PACSIN2: variants seen among roughly 807,000 people sequenced by gnomAD.
PACSIN2 encodes the protein protein kinase C and casein kinase substrate in neurons 2.
In PACSIN2, 25 loss-of-function variants were observed where a neutral mutation model predicts 63.8. That is an observed-to-expected ratio of 0.39 (90% CI 0.29 to 0.55). PACSIN2 has a LOEUF of 0.55. PACSIN2 is among the 20% of genes least tolerant of loss of function. PACSIN2 has a pLI of 0.62. For synonymous variants in PACSIN2, 255 were observed against 256.2 expected (o/e 1.00, Z 0.05); for missense variants, 518 against 646.9 (o/e 0.80, Z 2.16).
intron 1 of PACSIN2, among the ~76,000 whole-genome samples, chr22:42,996,435 G>A (rs1325228474): frequency 6.6e-6 from 1 of 151,828 alleles, no homozygotes; most frequent in African/African-American, 2.4e-5. Context: ...GGAAGGCTGA[G>A]GCAGGAGAAT....
intron 2 of PACSIN2, among the ~76,000 whole-genome samples, chr22:42,904,565 T>C (rs528970621): frequency 6.6e-6 from 1 of 152,156 alleles, no homozygotes; most frequent in African/African-American, 2.4e-5. Flanking sequence ...ACAGGGAGTG[T>C]GAGAGACATC....
At chr22:43,010,926 T>TTGG (rs1442339358) in intron 1 of PACSIN2, among the ~76,000 whole-genome samples, 4 of 152,210 alleles carry the variant, frequency 2.6e-5, no homozygotes, top group African/African-American at 9.6e-5. Flanking sequence ...CTTGTGCTCT[T>TTGG]TGGTGGCCAC....
At chr22:42,936,201 G>T (rs540994921) in intron 1 of PACSIN2, among the ~76,000 whole-genome samples, 22 of 142,612 alleles carry the variant, frequency 1.5e-4, no homozygotes, top group African/African-American at 5.9e-4. Flanking sequence ...GGGCGGCAGA[G>T]CGAGACTCCG....
At chr22:42,939,484 AG>A (rs1423363517) in intron 1 of PACSIN2, among the ~76,000 whole-genome samples, 4 of 152,136 alleles carry the variant, frequency 2.6e-5, no homozygotes, top group Admixed American at 2.0e-4. Flanking sequence ...TGACGCAGTT[AG>A]AGCAGGCCTA....
intron 1 of PACSIN2, among the ~76,000 whole-genome samples, chr22:42,924,933 T>A (rs1426243644): frequency 6.6e-6 from 1 of 151,832 alleles, no homozygotes; most frequent in Non-Finnish European, 1.5e-5. Context: ...ATTTTTTATA[T>A]TTTTGGTAGA....
intron 1 of PACSIN2, among the ~76,000 whole-genome samples, chr22:42,944,193 C>G (rs1933304239): frequency 6.6e-6 from 1 of 152,178 alleles, no homozygotes; most frequent in Non-Finnish European, 1.5e-5. Context: ...ATCAGCCTGG[C>G]CTGAGGGACT....
chr22:42,877,819 C>A (rs954309624), intron 8 of PACSIN2, among the ~76,000 whole-genome samples: 3 of 152,196 alleles, frequency 2.0e-5, no homozygotes, highest in Non-Finnish European at 4.4e-5. Flanking sequence ...GCTACCCTGG[C>A]CAGCAGCACC....
chr22:42,973,332 T>C (rs756656472), intron 1 of PACSIN2, among the ~76,000 whole-genome samples: 1 of 152,198 alleles, frequency 6.6e-6, no homozygotes, highest in Non-Finnish European at 1.5e-5. Flanking sequence ...CTGAGCAACT[T>C]CATTATTTCC....
intron 8 of PACSIN2, 128 bp downstream of exon 8, chr22:42,878,920 C>T (rs935566866): frequency 5.7e-5 from 61 of 1,079,492 alleles, no homozygotes; most frequent in Non-Finnish European, 7.4e-5. Flanking sequence ...GGCTGGGCCA[C>T]GGCCCACAGA....
At chr22:42,923,623 T>A (rs955989313) in intron 1 of PACSIN2, among the ~76,000 whole-genome samples, 3 of 152,148 alleles carry the variant, frequency 2.0e-5, no homozygotes, top group African/African-American at 7.2e-5. Context: ...GAGACGGGGT[T>A]TCACCGTGTC....
chr22:42,891,885 T>A (rs948944901), intron 3 of PACSIN2, among the ~76,000 whole-genome samples: 3 of 152,232 alleles, frequency 2.0e-5, no homozygotes, highest in Non-Finnish European at 2.9e-5. Context: ...GCATGGCTCC[T>A]ATCAGCCCTG....
Position 42,992,928 on chromosome 22 carries a change from C to A in PACSIN2, c.-78+22093G>T, listed in dbSNP as rs559116952. The stretch of plus-strand genomic sequence containing the variant: ...CCTGTAATCCTAGCACTCTGGGAGG[C>A]TGAGGCGGGCAGATTGCCCGAGCTC... On this transcript the variant is annotated intron_variant, in intron 1 of 10. Coordinates refer to ENST00000263246, the MANE Select transcript of PACSIN2 (RefSeq NM_001184970.3). 6.6e-5 allele frequency among the ~76,000 whole-genome samples: 10 copies of A among 152,290 alleles called. 1 individual carries two copies. The South Asian group carries it at 2.1e-3, about 32-fold the overall frequency.
chr22:42,880,674 C>A (rs1326260882), intron 7 of PACSIN2: 1 of 152,248 alleles, frequency 6.6e-6, no homozygotes, highest in Non-Finnish European at 1.5e-5. Flanking sequence ...AAGGCATGGT[C>A]CCGTAACAGC....
chr22:42,894,387 C>T (rs1387263931), intron 2 of PACSIN2, among the ~76,000 whole-genome samples: 3 of 152,162 alleles, frequency 2.0e-5, no homozygotes, highest in Non-Finnish European at 2.9e-5. Flanking sequence ...ACTACAGGCA[C>T]GCATGCCATC....
At chr22:42,978,767 T>A (rs1921875860) in intron 1 of PACSIN2, among the ~76,000 whole-genome samples, 1 of 152,160 alleles carries the variant, frequency 6.6e-6, no homozygotes, top group Non-Finnish European at 1.5e-5. Flanking sequence ...TATTTCCTCT[T>A]CCCTAGGGCA....
chr22:42,988,335 G>A (rs1387444911), intron 1 of PACSIN2, among the ~76,000 whole-genome samples: 1 of 152,220 alleles, frequency 6.6e-6, no homozygotes, highest in Non-Finnish European at 1.5e-5. Context: ...GTGTGAGTGA[G>A]GGGTGGGGGG....
At chr22:42,987,563 A>C (rs1922723517) in intron 1 of PACSIN2, among the ~76,000 whole-genome samples, 3 of 96,114 alleles carry the variant, frequency 3.1e-5, no homozygotes, top group African/African-American at 4.5e-5. Flanking sequence ...CAGGAGTCTC[A>C]CTCTGTCACC....
intron 1 of PACSIN2, among the ~76,000 whole-genome samples, chr22:42,982,896 A>AAAAAAC (rs1488940944): frequency 6.7e-6 from 1 of 148,280 alleles, no homozygotes; most frequent in African/African-American, 2.5e-5. Flanking sequence ...AAAAACAACA[A>AAAAAAC]CAAGGCTAGG....
At chr22:42,973,700 C>T (rs1197884585) in intron 1 of PACSIN2, among the ~76,000 whole-genome samples, 6 of 152,252 alleles carry the variant, frequency 3.9e-5, no homozygotes, top group Non-Finnish European at 7.3e-5. Context: ...TGGCTGCTCT[C>T]CCCTGTAACT....
Sources: gnomAD v4.1 joint callset for allele counts (sites outside exome capture counted in the v4.1 genomes callset) on GRCh38, gnomAD v4.1.1 for gene constraint, MANE v1.5 for transcripts, NCBI Gene and HGNC (gene_info 2026-07-23, HGNC 2026-07-21) for gene names.